PROS1: variants seen among roughly 807,000 people sequenced by gnomAD.
The protein encoded by PROS1 is vitamin K-dependent protein S.
In PROS1, 29 loss-of-function variants were observed where a neutral mutation model predicts 75.9. That is an observed-to-expected ratio of 0.38 (90% CI 0.28 to 0.52). The LOEUF is 0.52. Among genes scored for constraint, PROS1 ranks in the 20% least tolerant of loss-of-function variants. PROS1 has a pLI of 0.83. For synonymous variants in PROS1, 245 were observed against 280.6 expected, an observed-to-expected ratio of 0.87 and a Z score of 1.27; for missense variants, 680 against 810.3, an observed-to-expected ratio of 0.84 and a Z score of 1.95.
intron 1 of PROS1, among the ~76,000 whole-genome samples, chr3:93,934,063 C>T (rs1380837602): frequency 2.0e-5 from 3 of 149,654 alleles, no homozygotes; most frequent in Non-Finnish European, 4.4e-5. Context: ...ACCTCTAATC[C>T]CAGTTACTCA....
At chr3:93,917,727 C>T (rs1456115599) in intron 3 of PROS1, among the ~76,000 whole-genome samples, 1 of 152,176 alleles carries the variant, frequency 6.6e-6, no homozygotes, top group Non-Finnish European at 1.5e-5. Flanking sequence ...GCTTAGCACC[C>T]GGGCCAGCAG....
intron 12 of PROS1, 37 bp from the exon 13 acceptor site, chr3:93,879,351 A>C: frequency 6.2e-7 from 1 of 1,606,444 alleles, no homozygotes; most frequent in Non-Finnish European, 8.5e-7. Flanking sequence ...TGATCAATGC[A>C]CTCCTAAAGT....
intron 1 of PROS1, among the ~76,000 whole-genome samples, chr3:93,945,017 C>A (rs1213863620): frequency 6.6e-6 from 1 of 152,026 alleles, no homozygotes; most frequent in African/African-American, 2.4e-5. Context: ...TACAAACTAC[C>A]ATCAGAGAAT....
At chr3:93,880,369 G>C (rs183877345) in intron 12 of PROS1, among the ~76,000 whole-genome samples, 1 of 152,090 alleles carries the variant, frequency 6.6e-6, no homozygotes, top group African/African-American at 2.4e-5. Flanking sequence ...GAGCATGGTG[G>C]TGTATACCTG....
At chr3:93,942,690 T>C (rs1462362188) in intron 1 of PROS1, among the ~76,000 whole-genome samples, 2 of 152,228 alleles carry the variant, frequency 1.3e-5, no homozygotes, top group Non-Finnish European at 2.9e-5. Flanking sequence ...GCCCATTCTA[T>C]TCTGTCGTCA....
chr3:93,936,998 G>A (rs571588693), intron 1 of PROS1, among the ~76,000 whole-genome samples: 1 of 152,296 alleles, frequency 6.6e-6, no homozygotes, highest in Non-Finnish European at 1.5e-5. Context: ...AAGCTGGAAA[G>A]CTGATGAGAA....
chr3:93,970,436 A>G (rs968797640), intron 1 of PROS1, among the ~76,000 whole-genome samples: 1 of 152,164 alleles, frequency 6.6e-6, no homozygotes, highest in Non-Finnish European at 1.5e-5. Flanking sequence ...CCTGGGCTCA[A>G]GTGATCTTCC....
At chr3:93,881,263 A>C (rs1427374329) in intron 12 of PROS1, among the ~76,000 whole-genome samples, 1 of 152,198 alleles carries the variant, frequency 6.6e-6, no homozygotes, top group African/African-American at 2.4e-5. Flanking sequence ...TCTAGGTTAC[A>C]GTGAGCCATG....
Position 93,896,645 on chromosome 3 carries a change from A to T in PROS1, c.896T>A (p.Leu299Ter). 1 of 1,613,910 alleles carries T rather than the reference A, an allele frequency of 6.2e-7. No individual in the cohort carries two copies. Among genetic ancestry groups the T allele is most frequent in the Non-Finnish European group, 8.5e-7 (1 of 1,179,862 alleles). The change falls in exon 9 of 15, where the codon TTA (leucine) becomes TAA (stop). Residue 299 changes from leucine to a stop codon, truncating the protein, a stop_gained. Coordinates refer to ENST00000394236, the MANE Select transcript of PROS1 (RefSeq NM_000313.4). LOFTEE classifies it high-confidence loss of function. ...TGCAAACTGCTCCGCCAAGTAAAGTAATTCATACTTTGTGTCAAGGTTCAA... is the reference window on the plus strand; with the variant it reads ...TGCAAACTGCTCCGCCAAGTAAAGTTATTCATACTTTGTGTCAAGGTTCAA... Reference protein sequence around the residue: ...LPLNLDTKYELLYLAEQFAGV... With the variant: ...LPLNLDTKYE
At chr3:93,972,860 CA>C (rs1709900618) in intron 1 of PROS1, among the ~76,000 whole-genome samples, 1 of 151,850 alleles carries the variant, frequency 6.6e-6, no homozygotes, top group Non-Finnish European at 1.5e-5. Flanking sequence ...AACAAACAAA[CA>C]AAAAGGCGTT....
chr3:93,957,079 G>T (rs1709614905), intron 1 of PROS1, among the ~76,000 whole-genome samples: 1 of 151,850 alleles, frequency 6.6e-6, no homozygotes, highest in Non-Finnish European at 1.5e-5. Flanking sequence ...CAAAACATTG[G>T]AAATAATCTA....
intron 2 of PROS1, among the ~76,000 whole-genome samples, chr3:93,925,916 A>G (rs1288845627): frequency 2.6e-5 from 4 of 151,564 alleles, no homozygotes; most frequent in African/African-American, 9.7e-5. Context: ...AATGAGACCA[A>G]TGCTAGAATT....
chr3:93,903,905 G>T (rs1201581377), intron 6 of PROS1, among the ~76,000 whole-genome samples: 1 of 151,420 alleles, frequency 6.6e-6, no homozygotes, highest in Non-Finnish European at 1.5e-5. Flanking sequence ...ATGCTGGCAC[G>T]CTGCACCCAC....
At chr3:93,881,214 T>C (rs1708271105) in intron 12 of PROS1, among the ~76,000 whole-genome samples, 1 of 152,064 alleles carries the variant, frequency 6.6e-6, no homozygotes, top group South Asian at 2.1e-4. Flanking sequence ...CCTAGCTACT[T>C]GGGAGGCTGA....
At chr3:93,909,557 G>A (rs111578037) in intron 4 of PROS1, among the ~76,000 whole-genome samples, 3 of 147,260 alleles carry the variant, frequency 2.0e-5, no homozygotes, top group African/African-American at 7.5e-5. Flanking sequence ...TTTTTTATTT[G>A]TAATTTCTGT....
intron 1 of PROS1, among the ~76,000 whole-genome samples, chr3:93,931,767 A>G (rs536028372): frequency 6.6e-6 from 1 of 152,298 alleles, no homozygotes; most frequent in African/African-American, 2.4e-5. Flanking sequence ...GCCAAAGAAC[A>G]CTCGGTCAAA....
intron 12 of PROS1, among the ~76,000 whole-genome samples, chr3:93,882,608 G>C (rs1198833132): frequency 2.0e-5 from 3 of 152,178 alleles, no homozygotes; most frequent in African/African-American, 7.2e-5. Context: ...ATGCAATTTG[G>C]TAAAAATAAT....
chr3:93,884,170 T>C (rs1473188050), intron 12 of PROS1, among the ~76,000 whole-genome samples: 3 of 152,096 alleles, frequency 2.0e-5, no homozygotes, highest in Admixed American at 2.0e-4. Flanking sequence ...AAAAATTACA[T>C]GGTACACAAA....
At chr3:93,893,415 G>T (rs1261172417) in intron 9 of PROS1, among the ~76,000 whole-genome samples, 1 of 152,054 alleles carries the variant, frequency 6.6e-6, no homozygotes, top group South Asian at 2.1e-4. Context: ...TATTTTGATA[G>T]CACCTTCCAA....
Sources: gnomAD v4.1 joint callset for allele counts (sites outside exome capture counted in the v4.1 genomes callset) on GRCh38, gnomAD v4.1.1 for gene constraint, MANE v1.5 for transcripts, NCBI Gene and HGNC (gene_info 2026-07-23, HGNC 2026-07-21) for gene names.